The following FAF2 variants were observed in gnomAD, a reference collection of about 807,000 sequenced individuals.
The protein encoded by FAF2 is Fas associated factor family member 2, also known as FAS-associated factor 2.
Under a neutral mutation model 62.3 loss-of-function variants are expected in FAF2, and 9 were observed. The observed-to-expected ratio is 0.14, with a 90% CI of 0.09 to 0.25. The LOEUF (loss-of-function observed/expected upper bound fraction) is 0.25. Ranked by LOEUF, FAF2 falls within the 10% of genes least tolerant of loss-of-function variation. The probability of loss-of-function intolerance (pLI) is 1.00; values close to 1 mark genes in which losing one functional copy is unlikely to be tolerated. For synonymous variants in FAF2, 202 were observed against 198.0 expected (o/e 1.02, Z -0.17); for missense variants, 368 against 556.2 (o/e 0.66, Z 3.40).
chr5:176,461,312 CTTTT>C (rs60608969), intron 1 of FAF2, among the ~76,000 whole-genome samples: 2 of 70,736 alleles, frequency 2.8e-5, no homozygotes, highest in South Asian at 7.2e-4. Flanking sequence ...CTGTGCCCAG[CTTTT>C]TTTTTTTTTT....
chr5:176,448,618 T>A, intron 1 of FAF2, 148 bp downstream of exon 1: 1 of 787,418 alleles, frequency 1.3e-6, no homozygotes, highest in Non-Finnish European at 2.0e-6. Flanking sequence ...CTGCCCTGAT[T>A]CCCCCGGCCC....
In FAF2 at chr5:176,494,376, G is replaced by A; in HGVS notation, c.661+101G>A. On this transcript the variant is annotated intron_variant, in intron 7 of 10. Coordinates refer to ENST00000261942, the MANE Select transcript of FAF2 (RefSeq NM_014613.3). The surrounding 1 kb of genome is among the most constrained non-coding windows in gnomAD (Gnocchi z 4.0). The stretch of plus-strand genomic sequence containing the variant: ...TTTATTACAAGTGTGTTTGTTCTGT[G>A]GTAGATACGACGCTAGTTGCTATTT... The A allele has an allele frequency of 2.0e-6, 2 of 985,330 alleles. No individual in the cohort carries two copies. Among genetic ancestry groups the A allele is most frequent in the Non-Finnish European group, 3.3e-6 (2 of 614,976 alleles). The allele number at this position is 985,330 out of a possible 1,614,324, so 61.0% of individuals were successfully genotyped here. A position where few individuals can be genotyped will look rare whatever the true frequency, so the allele number is the denominator to read the frequency against.
At chr5:176,462,190 T>C (rs2115051) in intron 1 of FAF2, among the ~76,000 whole-genome samples, 152,050 of 152,204 alleles carry the variant, frequency 1, 75,948 homozygotes, top group Middle Eastern at 1. Flanking sequence ...GCGGGAGAAT[T>C]GCTTGAACCC....
intron 1 of FAF2, among the ~76,000 whole-genome samples, 163 bp downstream of exon 1, chr5:176,448,633 G>T (rs904335307): frequency 6.7e-6 from 1 of 148,426 alleles, no homozygotes; most frequent in African/African-American, 2.5e-5. Flanking sequence ...CGGCCCCCAA[G>T]CCTCTGTTGG....
rs538414827 is a variant in FAF2 at position 176,457,601 on chromosome 5, T to C, written c.63+9131T>C. On this transcript the variant is annotated intron_variant, in intron 1 of 10. Coordinates refer to ENST00000261942, the MANE Select transcript of FAF2 (RefSeq NM_014613.3). ...ATTGTATTTTTGCTTAAAATTAGTA[T>C]CAAAAATGAAATAGTCATAAAACTG... Among the ~76,000 whole-genome samples the C allele has an allele frequency of 3.9e-5, 6 of 152,226 alleles. No individual in the cohort carries two copies. In the East Asian group the frequency reaches 5.8e-4, roughly 15 times the overall value.
intron 2 of FAF2, among the ~76,000 whole-genome samples, chr5:176,482,334 C>A (rs1758794836): frequency 6.6e-6 from 1 of 151,802 alleles, no homozygotes; most frequent in South Asian, 2.1e-4. Flanking sequence ...TTTCCTGCCT[C>A]AGCCTCCTGA....
chr5:176,503,486 C>T lies in FAF2; in HGVS notation c.1156-3282C>T, dbSNP rs143200393. Among the ~76,000 whole-genome samples, 349 of 149,260 alleles carry T rather than the reference C, an allele frequency of 2.3e-3. 2 individuals are homozygous for T. Among genetic ancestry groups the T allele is most frequent in the African/African-American group, 7.9e-3 (321 of 40,424 alleles). On this transcript the variant is annotated intron_variant, in intron 10 of 10. Transcript: ENST00000261942. ...TGCAGAATCGCTTGAACCTGGGAGG[C>T]GGAGGTTGCAGTGAATGGAGATCGT...
chr5:176,486,234 T>C, intron 2 of FAF2, 121 bp from the exon 3 acceptor site: 1 of 1,248,170 alleles, frequency 8.0e-7, no homozygotes. Context: ...CACTCCTCAG[T>C]GACCTTTTGG....
At chr5:176,475,927 A>G (rs1219510799) in intron 1 of FAF2, among the ~76,000 whole-genome samples, 1 of 152,144 alleles carries the variant, frequency 6.6e-6, no homozygotes, top group African/African-American at 2.4e-5. Flanking sequence ...TGTTTTAACA[A>G]CCAGCTTGGC....
At chr5:176,462,484 C>T (rs944639881) in intron 1 of FAF2, among the ~76,000 whole-genome samples, 4 of 151,618 alleles carry the variant, frequency 2.6e-5, no homozygotes, top group Non-Finnish European at 5.9e-5. Context: ...ATTAGCCGGG[C>T]GTGGTGGCGC....
At chr5:176,486,624 G>A (rs1187272775) in intron 3 of FAF2, 135 bp downstream of exon 3, 11 of 851,104 alleles carry the variant, frequency 1.3e-5, no homozygotes, top group Admixed American at 3.2e-5. Context: ...GGCCCGTTGG[G>A]TGTATTATTT....
intron 10 of FAF2, among the ~76,000 whole-genome samples, chr5:176,503,163 A>C (rs1755623005): frequency 6.6e-6 from 1 of 152,234 alleles, no homozygotes; most frequent in Non-Finnish European, 1.5e-5. Context: ...GAAGTGTGTA[A>C]TGTAGCAGTG....
At chr5:176,491,250 A>T (rs1758966889) in intron 4 of FAF2, among the ~76,000 whole-genome samples, 1 of 152,228 alleles carries the variant, frequency 6.6e-6, no homozygotes, top group Non-Finnish European at 1.5e-5. Flanking sequence ...GTAACACATT[A>T]TCCTCTGTCC....
intron 10 of FAF2, among the ~76,000 whole-genome samples, chr5:176,505,700 G>A (rs1380769478): frequency 6.6e-6 from 1 of 152,118 alleles, no homozygotes; most frequent in Non-Finnish European, 1.5e-5. Flanking sequence ...ACATATCAGT[G>A]AGGACATATA....
chr5:176,481,802 C>T (rs563785426), intron 2 of FAF2, among the ~76,000 whole-genome samples: 65 of 152,246 alleles, frequency 4.3e-4, no homozygotes, highest in African/African-American at 1.3e-3. Context: ...TACAGGCCCA[C>T]GCTACCACAC....
At chr5:176,477,103 C>A (rs1363900672) in intron 1 of FAF2, among the ~76,000 whole-genome samples, 1 of 134,170 alleles carries the variant, frequency 7.5e-6, no homozygotes, top group Admixed American at 7.7e-5. Context: ...CCACCGTGCC[C>A]GGCCTTTTTT....
At chr5:176,465,236 C>A (rs1229548655) in intron 1 of FAF2, among the ~76,000 whole-genome samples, 1 of 151,950 alleles carries the variant, frequency 6.6e-6, no homozygotes, top group East Asian at 1.9e-4. Context: ...AACCCTTTGT[C>A]CATAGAGAAA....
At chr5:176,502,180 G>A (rs1481196656) in intron 10 of FAF2, among the ~76,000 whole-genome samples, 1 of 152,166 alleles carries the variant, frequency 6.6e-6, no homozygotes, top group Non-Finnish European at 1.5e-5. Flanking sequence ...TCTTAACTAT[G>A]GGTTTGTGTA....
At chr5:176,475,991 C>T (rs1485968577) in intron 1 of FAF2, among the ~76,000 whole-genome samples, 1 of 152,088 alleles carries the variant, frequency 6.6e-6, no homozygotes, top group Non-Finnish European at 1.5e-5. Context: ...TATGGTGGCT[C>T]ACGTGTATAA....
Sources: gnomAD v4.1 joint callset for allele counts (sites outside exome capture counted in the v4.1 genomes callset) on GRCh38, gnomAD v4.1.1 for gene constraint, Gnocchi (gnomAD v3.1) non-coding constraint, MANE v1.5 for transcripts, NCBI Gene and HGNC (gene_info 2026-07-23, HGNC 2026-07-21) for gene names.